FILIP1: variants seen among roughly 807,000 people sequenced by gnomAD.
The protein encoded by FILIP1 is filamin A interacting protein 1, also known as filamin-A-interacting protein 1.
Under a neutral mutation model 102.1 loss-of-function variants are expected in FILIP1, and 61 were observed. The ratio of observed to expected loss-of-function variants is 0.60; its 90% CI spans 0.49 to 0.74. FILIP1 has a LOEUF of 0.74. Among genes scored for constraint, FILIP1 ranks in the 30% least tolerant of loss-of-function variants. The pLI is 0.00. For synonymous variants in FILIP1, 491 were observed against 526.9 expected (o/e 0.93, Z 0.93); for missense variants, 1,314 against 1,441.2 (o/e 0.91, Z 1.43).
intron 2 of FILIP1, among the ~76,000 whole-genome samples, chr6:75,382,335 A>C (rs1775930798): frequency 6.6e-6 from 1 of 152,212 alleles, no homozygotes; most frequent in Non-Finnish European, 1.5e-5. Context: ...ACTTTGAAGT[A>C]GATAAAATAT....
chr6:75,315,017 G>C lies in FILIP1; in HGVS notation c.815C>G (p.Thr272Ser). ...GLQSQKVQDLTQKLREEEEKL... is the reference protein window; with the variant it reads ...GLQSQKVQDLSQKLREEEEKL... ...CTCTTCTTCTTCCCTCAGCTTCTGA[G>C]TAAGATCCTGTACTTTCTGGCTTTG... Residue 272 changes from threonine to serine, a missense_variant, in exon 5 of 6, where the codon ACT becomes AGT. Around this residue, in one of 3 missense-constraint regions of FILIP1, gnomAD observed 494 missense variants for 511.2 expected, o/e 0.97. Coordinates refer to ENST00000237172, the MANE Select transcript of FILIP1 (RefSeq NM_015687.5). 6.2e-7 allele frequency: 1 copy of C among 1,614,036 alleles called. No homozygotes were observed.
chr6:75,295,971 T>C (rs1175328418), intron 6 of FILIP1: 3 of 1,418,142 alleles, frequency 2.1e-6, no homozygotes, highest in Admixed American at 3.2e-5. Flanking sequence ...AAAAAAGACA[T>C]GGCATTTTCA....
At chr6:75,428,069 G>A (rs1777690111) in intron 1 of FILIP1, among the ~76,000 whole-genome samples, 1 of 152,142 alleles carries the variant, frequency 6.6e-6, no homozygotes, top group African/African-American at 2.4e-5. Context: ...CTGGCAGAAG[G>A]AGGGGAAGAA....
At chr6:75,303,140 G>A (rs1188582411), downstream of FILIP1, among the ~76,000 whole-genome samples, 1 of 152,144 alleles carries the variant, frequency 6.6e-6, no homozygotes, top group Non-Finnish European at 1.5e-5. Context: ...TTTCTAGCTT[G>A]GGAGACTGAA....
At chr6:75,316,889 T>C (rs1004381421) in intron 4 of FILIP1, among the ~76,000 whole-genome samples, 1 of 152,188 alleles carries the variant, frequency 6.6e-6, no homozygotes, top group Non-Finnish European at 1.5e-5. Context: ...CATAGAACCA[T>C]AGATTAGGGG....
intron 2 of FILIP1, among the ~76,000 whole-genome samples, chr6:75,363,202 G>A (rs375129915): frequency 7.2e-5 from 11 of 152,198 alleles, no homozygotes; most frequent in Non-Finnish European, 1.3e-4. Context: ...GGATGGGGTG[G>A]GGGAGGGAGG....
intron 4 of FILIP1, among the ~76,000 whole-genome samples, chr6:75,353,140 G>A (rs565473189): frequency 6.6e-6 from 1 of 151,456 alleles, no homozygotes; most frequent in East Asian, 2.0e-4. Flanking sequence ...CACCAACATG[G>A]CACATGTATA....
In FILIP1 at chr6:75,315,164, G is replaced by T. The variant is rs1773395903; in HGVS notation, c.668C>A (p.Ala223Asp). 1.9e-6 allele frequency: 3 copies of T among 1,582,066 alleles called. No homozygotes were observed. The highest frequency in any genetic ancestry group is 1.7e-6 in the Non-Finnish European group (2 of 1,168,504). ...TTTAGCATTTTCCTTTTCTTTGCGGGCTTGATAAGCCTTTTCTTGTTCAAG... is the reference window on the plus strand; with the variant it reads ...TTTAGCATTTTCCTTTTCTTTGCGGTCTTGATAAGCCTTTTCTTGTTCAAG... ...KLLEQEKAYQ[A>D]RKEKENAKRL... Residue 223 changes from alanine to aspartate, a missense_variant, in exon 5 of 6, where the codon GCC becomes GAC. Around this residue, in one of 3 missense-constraint regions of FILIP1, gnomAD observed 494 missense variants for 511.2 expected, o/e 0.97. Coordinates refer to ENST00000237172, the MANE Select transcript of FILIP1 (RefSeq NM_015687.5).
intron 1 of FILIP1, chr6:75,455,413 T>C (rs1314552580): frequency 6.6e-6 from 1 of 151,964 alleles, no homozygotes; most frequent in Non-Finnish European, 1.5e-5. Flanking sequence ...TATCCAAAGC[T>C]CATTTTTATT....
chr6:75,319,428 C>T (rs1419266178), intron 4 of FILIP1: 2 of 621,264 alleles, frequency 3.2e-6, no homozygotes, highest in Non-Finnish European at 6.3e-6. Flanking sequence ...TTTAGGAGGG[C>T]TATAGATTTC....
chr6:75,431,432 T>C (rs1777819821), intron 1 of FILIP1, among the ~76,000 whole-genome samples: 1 of 152,160 alleles, frequency 6.6e-6, no homozygotes, highest in Non-Finnish European at 1.5e-5. Context: ...TTTTCCAAAT[T>C]TGAACCAGGG....
At chr6:75,385,204 C>T (rs1198101963) in intron 2 of FILIP1, among the ~76,000 whole-genome samples, 1 of 152,122 alleles carries the variant, frequency 6.6e-6, no homozygotes, top group Non-Finnish European at 1.5e-5. Context: ...ATCCCAGTCT[C>T]CTGATTCTCA....
rs896231495 is a variant in FILIP1 at position 75,313,456 on chromosome 6, T to C, written c.2376A>G (p.Gly792=). The C allele has an allele frequency of 1.6e-5, 26 of 1,614,188 alleles. No homozygotes were observed. The Middle Eastern group carries it at 5.0e-4, about 31-fold the overall frequency. ...TCACAGGAACATCCACCATTCTTCT[T>C]CCATTCACACTGGGCCTAAGAGCTC... ...YSRALRPSVN[G]RRMVDVPVTS... The change falls in exon 5 of 6, where the codon GGA becomes GGG. Residue 792 remains glycine (G), a synonymous_variant. Coordinates refer to ENST00000237172, the MANE Select transcript of FILIP1 (RefSeq NM_015687.5). The surrounding 1 kb of genome is among the most constrained non-coding windows in gnomAD (Gnocchi z 4.2).
intron 1 of FILIP1, among the ~76,000 whole-genome samples, chr6:75,427,880 T>C (rs1777681681): frequency 6.6e-6 from 1 of 152,186 alleles, no homozygotes; most frequent in East Asian, 1.9e-4. Flanking sequence ...TTAAATCACA[T>C]GGCAGCATGA....
intron 1 of FILIP1, among the ~76,000 whole-genome samples, chr6:75,486,170 C>T (rs1338650163): frequency 2.0e-5 from 3 of 152,164 alleles, no homozygotes; most frequent in Non-Finnish European, 4.4e-5. Context: ...TAAGGTGGGG[C>T]TCTGAGTTGT....
chr6:75,484,393 AC>A (rs1779726272), intron 1 of FILIP1, among the ~76,000 whole-genome samples: 1 of 3,564 alleles, frequency 2.8e-4, no homozygotes, highest in South Asian at 0.031. Flanking sequence ...ATTTGAAAGT[AC>A]TGTCTTTTAA....
chr6:75,311,092 C>T (rs1287475750), intron 5 of FILIP1, among the ~76,000 whole-genome samples: 2 of 152,158 alleles, frequency 1.3e-5, no homozygotes, highest in Non-Finnish European at 2.9e-5. Context: ...CTAAACAGTA[C>T]AAGCTCTTCT....
chr6:75,434,688 C>T (rs1379314712), intron 1 of FILIP1, among the ~76,000 whole-genome samples: 1 of 152,178 alleles, frequency 6.6e-6, no homozygotes, highest in Non-Finnish European at 1.5e-5. Context: ...TTTATTTCTC[C>T]TGCCTGATTG....
chr6:75,373,954 G>A (rs1451086573), intron 2 of FILIP1, among the ~76,000 whole-genome samples: 2 of 152,092 alleles, frequency 1.3e-5, no homozygotes, highest in Non-Finnish European at 2.9e-5. Context: ...ACACATCACT[G>A]CACTCCAGCT....
Sources: gnomAD v4.1 joint callset for allele counts (sites outside exome capture counted in the v4.1 genomes callset) on GRCh38, gnomAD v4.1.1 for gene constraint, gnomAD v4.1.1 regional missense constraint, Gnocchi (gnomAD v3.1) non-coding constraint, MANE v1.5 for transcripts, NCBI Gene and HGNC (gene_info 2026-07-23, HGNC 2026-07-21) for gene names.